Variants in SCN11A observed in about 807,000 individuals in gnomAD.
SCN11A encodes sodium voltage-gated channel alpha subunit 11, also known as sodium channel protein type 11 subunit alpha.
A neutral mutation model predicts 162.2 loss-of-function variants in SCN11A; 122 were observed. The observed-to-expected ratio is 0.75, with a 90% CI of 0.65 to 0.87. The LOEUF (loss-of-function observed/expected upper bound fraction) is 0.87, where lower values mean the gene tolerates loss of function less well. Ranked by LOEUF, SCN11A falls within the 40% of genes least tolerant of loss-of-function variation. The pLI is 0.00. For synonymous variants in SCN11A, 758 were observed against 751.5 expected (o/e 1.01, Z -0.14); for missense variants, 2,015 against 2,181.6 (o/e 0.92, Z 1.52).
chr3:39,023,605 G>A (rs1209528239), intron 2 of SCN11A, among the ~76,000 whole-genome samples: 1 of 150,862 alleles, frequency 6.6e-6, no homozygotes, highest in East Asian at 1.9e-4. Context: ...AAAGGTAGAT[G>A]ATGAAAAATA....
At chr3:38,940,824 AG>A (rs1281685221) in intron 7 of SCN11A, among the ~76,000 whole-genome samples, 359 of 152,272 alleles carry the variant, frequency 2.4e-3, no homozygotes, top group African/African-American at 7.5e-3. Flanking sequence ...ATAAAGGAAA[AG>A]AAAAAAATAA....
intron 2 of SCN11A, among the ~76,000 whole-genome samples, chr3:38,995,312 G>A (rs1477296341): frequency 6.6e-6 from 1 of 152,064 alleles, no homozygotes; most frequent in East Asian, 1.9e-4. Flanking sequence ...AGTAGAGACA[G>A]GGTTTCACCA....
At chr3:38,932,518 C>T (rs1010474695) in intron 7 of SCN11A, among the ~76,000 whole-genome samples, 1 of 152,134 alleles carries the variant, frequency 6.6e-6, no homozygotes, top group Non-Finnish European at 1.5e-5. Context: ...ACTCCCACCC[C>T]AATACTGCGC....
rs745657501 is a variant in SCN11A, at chr3:38,921,179, G to T, written c.789C>A (p.Cys263Ter). 6.2e-7 allele frequency: 1 copy of T among 1,614,050 alleles called. No individual in the cohort carries two copies. The highest frequency in any genetic ancestry group is 8.5e-7 in the Non-Finnish European group (1 of 1,179,924). Residue 263 changes from cysteine to a stop codon, truncating the protein, a stop_gained, in exon 10 of 30, where the codon TGC (cysteine) becomes TGA (stop). Coordinates refer to ENST00000302328, the MANE Select transcript of SCN11A (RefSeq NM_001349253.2). LOFTEE classifies it high-confidence loss of function. ...GACCTACCAGGGCAAAGATGCTGAGGCAAAAGAAGGTGAGGATAATCACGT... is the reference window on the plus strand; with the variant it reads ...GACCTACCAGGGCAAAGATGCTGAGTCAAAAGAAGGTGAGGATAATCACGT... Reference protein sequence around the residue: ...LVNVIILTFFCLSIFALVGQQ... With the variant: ...LVNVIILTFF
chr3:39,014,814 G>A (rs1044169887), intron 2 of SCN11A, among the ~76,000 whole-genome samples: 1 of 152,156 alleles, frequency 6.6e-6, no homozygotes, highest in African/African-American at 2.4e-5. Flanking sequence ...TAAAAATGCT[G>A]CCCACTTAAT....
chr3:39,022,221 T>C (rs897917398), intron 2 of SCN11A, among the ~76,000 whole-genome samples: 3 of 152,240 alleles, frequency 2.0e-5, no homozygotes, highest in African/African-American at 7.2e-5. Flanking sequence ...CTGGGACTCA[T>C]GGAGAGGCGT....
At chr3:38,889,200 C>T (rs1161047600) in intron 19 of SCN11A, among the ~76,000 whole-genome samples, 5 of 151,890 alleles carry the variant, frequency 3.3e-5, no homozygotes, top group South Asian at 2.1e-4. Flanking sequence ...CTGAGGTGGG[C>T]GGATCACCTG....
intron 2 of SCN11A, among the ~76,000 whole-genome samples, chr3:39,002,179 C>G (rs1288516790): frequency 2.0e-5 from 3 of 152,152 alleles, no homozygotes; most frequent in South Asian, 4.1e-4. Context: ...TATCTTTATG[C>G]CAGTACCAAA....
intron 2 of SCN11A, among the ~76,000 whole-genome samples, chr3:39,029,631 T>A (rs2031694479): frequency 1.3e-5 from 2 of 152,202 alleles, no homozygotes; most frequent in Admixed American, 6.5e-5. Context: ...TCTCACATCT[T>A]CTCCTGTCTT....
intron 8 of SCN11A, 39 bp downstream of exon 8, chr3:38,926,764 C>T: frequency 6.3e-7 from 1 of 1,597,844 alleles, no homozygotes; most frequent in Non-Finnish European, 8.5e-7. Flanking sequence ...GCTTCTTTCC[C>T]ACTCCAAGTC....
At chr3:39,018,054 C>T (rs1463744912) in intron 2 of SCN11A, among the ~76,000 whole-genome samples, 1 of 152,210 alleles carries the variant, frequency 6.6e-6, no homozygotes, top group Non-Finnish European at 1.5e-5. Context: ...ACTGCAACAG[C>T]ATTCATTTGG....
intron 3 of SCN11A, among the ~76,000 whole-genome samples, chr3:38,957,897 A>G (rs1023947202): frequency 6.6e-6 from 1 of 152,216 alleles, no homozygotes; most frequent in Non-Finnish European, 1.5e-5. Context: ...GGATGAAACC[A>G]TGCCATGTGT....
rs190245751 is a variant in SCN11A, at chr3:38,893,829, A to G, written c.2835+704T>C. 4.7e-3 allele frequency among the ~76,000 whole-genome samples: 715 copies of G among 152,082 alleles called. 2 individuals carry two copies. Among genetic ancestry groups the G allele is most frequent in the Middle Eastern group, 6.8e-3 (2 of 292 alleles). On this transcript the variant is annotated intron_variant, in intron 19 of 29. Transcript: ENST00000302328. ...AAATAAAATATAATTAAATATATAG[A>G]AAATAAAAATGAAAATAAAATGTAT... is the stretch of plus-strand genomic sequence containing the variant.
At chr3:38,893,234 T>C (rs1025533235) in intron 19 of SCN11A, among the ~76,000 whole-genome samples, 1 of 151,946 alleles carries the variant, frequency 6.6e-6, no homozygotes, top group South Asian at 2.1e-4. Context: ...TCAGACAAAA[T>C]AGATTTAAAA....
chr3:38,977,206 T>G (rs1298641768), intron 2 of SCN11A, among the ~76,000 whole-genome samples: 1 of 152,108 alleles, frequency 6.6e-6, no homozygotes, highest in Non-Finnish European at 1.5e-5. Flanking sequence ...TCCACTCCAC[T>G]CTTGACTTCC....
chr3:38,880,882 C>T (rs1255847167), intron 22 of SCN11A, among the ~76,000 whole-genome samples: 1 of 152,160 alleles, frequency 6.6e-6, no homozygotes, highest in Non-Finnish European at 1.5e-5. Context: ...TATAAGCTGT[C>T]CTTTTGGCCT....
chr3:38,961,767 T>C (rs2125583599), intron 2 of SCN11A, among the ~76,000 whole-genome samples: 1 of 152,346 alleles, frequency 6.6e-6, no homozygotes, highest in Middle Eastern at 3.4e-3. Flanking sequence ...TTGAGTTCTT[T>C]GTAGATTCTG....
At chr3:38,986,389 A>G (rs1488253755) in intron 2 of SCN11A, among the ~76,000 whole-genome samples, 1 of 151,320 alleles carries the variant, frequency 6.6e-6, no homozygotes, top group Non-Finnish European at 1.5e-5. Flanking sequence ...AGACACATGG[A>G]ATGGAGACTT....
chr3:38,933,781 C>T (rs532027220), intron 7 of SCN11A, among the ~76,000 whole-genome samples: 2,400 of 152,262 alleles, frequency 0.016, 29 homozygotes, highest in Non-Finnish European at 0.024. Flanking sequence ...GAGAATGGAA[C>T]CAAGTTGGAA....
Sources: gnomAD v4.1 joint callset for allele counts (sites outside exome capture counted in the v4.1 genomes callset) on GRCh38, gnomAD v4.1.1 for gene constraint, MANE v1.5 for transcripts, NCBI Gene and HGNC (gene_info 2026-07-23, HGNC 2026-07-21) for gene names.